Variants in HPS3 observed in about 807,000 individuals in gnomAD.
HPS3 encodes the protein HPS3 biogenesis of lysosomal organelles complex 2 subunit 1.
In HPS3, 79 loss-of-function variants were observed where a neutral mutation model predicts 110.9. That is an observed-to-expected ratio of 0.71 (90% CI 0.59 to 0.86). HPS3 has a LOEUF of 0.86. Ranked by LOEUF, HPS3 falls within the 40% of genes least tolerant of loss-of-function variation. The pLI is 0.00. For missense variants in HPS3, 1,197 were observed against 1,206.2 expected, an observed-to-expected ratio of 0.99 and a Z score of 0.11; for synonymous variants, 428 against 451.0, an observed-to-expected ratio of 0.95 and a Z score of 0.65.
At chr3:149,142,078 G>A (rs879476489) in intron 4 of HPS3, among the ~76,000 whole-genome samples, 1 of 150,948 alleles carries the variant, frequency 6.6e-6, no homozygotes, top group Non-Finnish European at 1.5e-5. Context: ...TCGAACTCCC[G>A]ACCTCATTGA....
intron 1 of HPS3, among the ~76,000 whole-genome samples, chr3:149,136,205 CAT>C (rs35285836): frequency 0.57 from 86,175 of 150,232 alleles, 25,106 homozygotes; most frequent in African/African-American, 0.67. Context: ...TATGTATATA[CAT>C]ATATATATAC....
Position 149,158,684 on chromosome 3 carries a change from T to G in HPS3, c.1710T>G (p.Ser570=). ...CCTTTAGGCTTGACTCCCAGCATTC[T>G]CATCTCACCTTGCCATACTATAAGA... The part of the protein sequence containing the change: ...DCYSRLDSQH[S]HLTLPYYKMS... Residue 570 remains serine, a synonymous_variant, in exon 10 of 17, where the codon TCT becomes TCG. Coordinates refer to ENST00000296051, the MANE Select transcript of HPS3 (RefSeq NM_032383.5). 6.2e-7 allele frequency: 1 copy of G among 1,613,754 alleles called. No individual in the cohort carries two copies. Among genetic ancestry groups the G allele is most frequent in the Non-Finnish European group, 8.5e-7 (1 of 1,179,738 alleles).
intron 5 of HPS3, among the ~76,000 whole-genome samples, chr3:149,146,732 A>C (rs1722797266): frequency 6.6e-6 from 1 of 152,192 alleles, no homozygotes; most frequent in East Asian, 1.9e-4. Context: ...TGTGTTTCTT[A>C]AGTGAACAAT....
At chr3:149,146,387 A>G (rs1287240384) in intron 5 of HPS3, among the ~76,000 whole-genome samples, 2 of 152,202 alleles carry the variant, frequency 1.3e-5, no homozygotes, top group East Asian at 3.8e-4. Context: ...ACTTCTGGCT[A>G]AGTTGTATGG....
chr3:149,138,285 T>C (rs1050527743), intron 1 of HPS3, among the ~76,000 whole-genome samples: 3 of 152,190 alleles, frequency 2.0e-5, no homozygotes, highest in African/African-American at 7.2e-5. Flanking sequence ...ACCTGTTTGC[T>C]TGCCTCATAA....
At chr3:149,146,322 G>A (rs542669272) in intron 5 of HPS3, among the ~76,000 whole-genome samples, 27 of 152,242 alleles carry the variant, frequency 1.8e-4, no homozygotes, top group Admixed American at 1.0e-3. Flanking sequence ...GGAGATTTGC[G>A]AAAAATGTCT....
At chr3:149,152,384 A>G (rs551243236) in intron 6 of HPS3, among the ~76,000 whole-genome samples, 1 of 152,316 alleles carries the variant, frequency 6.6e-6, no homozygotes, top group South Asian at 2.1e-4. Context: ...TCAGAGTCTT[A>G]TAAAAGGCAG....
chr3:149,145,916 A>G (rs1194048372), intron 5 of HPS3, among the ~76,000 whole-genome samples: 1 of 152,160 alleles, frequency 6.6e-6, no homozygotes, highest in African/African-American at 2.4e-5. Context: ...ATATTTTTCT[A>G]GTATAAATTG....
intron 7 of HPS3, among the ~76,000 whole-genome samples, chr3:149,154,325 A>C (rs1723308063): frequency 1.3e-5 from 2 of 152,218 alleles, no homozygotes. Context: ...TGTATTTCAT[A>C]TCAAACATGG....
intron 8 of HPS3, among the ~76,000 whole-genome samples, chr3:149,156,228 C>G (rs1723450829): frequency 6.6e-6 from 1 of 152,100 alleles, no homozygotes; most frequent in African/African-American, 2.4e-5. Flanking sequence ...AGTCTTTTGC[C>G]CCTAAGTACT....
intron 5 of HPS3, among the ~76,000 whole-genome samples, chr3:149,149,129 T>G (rs1247300734): frequency 6.6e-6 from 1 of 150,930 alleles, no homozygotes; most frequent in East Asian, 1.9e-4. Flanking sequence ...AATTTTTTTT[T>G]TTTTTTTGTA....
chr3:149,138,323 C>T (rs1255968543), intron 1 of HPS3, among the ~76,000 whole-genome samples: 1 of 152,132 alleles, frequency 6.6e-6, no homozygotes, highest in Admixed American at 6.5e-5. Flanking sequence ...GTAATGGCAG[C>T]ATTTCAATTT....
chr3:149,145,529 T>A lies in HPS3; in HGVS notation c.1146T>A (p.Phe382Leu), dbSNP rs1722739506. Residue 382 changes from phenylalanine to leucine, a missense_variant, in exon 5 of 17, where the codon TTT (phenylalanine) becomes TTA (leucine). Physicochemically the swap from Phe to Leu is conservative, Grantham distance 22 (BLOSUM62 0). Coordinates refer to ENST00000296051, the MANE Select transcript of HPS3 (RefSeq NM_032383.5). ...KSQQAVLTPQ[F>L]LHVITSNNLQ... is the part of the protein sequence containing the mutation. ...AGCAGGCAGTACTCACGCCACAATT[T>A]TTGCACGTCATTACAAGGTACTGTT... 6.2e-7 allele frequency: 1 copy of A among 1,614,048 alleles called. No homozygotes were observed. The highest frequency in any genetic ancestry group is 2.2e-5 in the East Asian group (1 of 44,878).
At chr3:149,135,369 G>A (rs927521873) in intron 1 of HPS3, among the ~76,000 whole-genome samples, 16 of 152,038 alleles carry the variant, frequency 1.1e-4, no homozygotes, top group African/African-American at 2.4e-4. Context: ...TGTCAAGGGC[G>A]GGACCAGGTG....
chr3:149,149,915 G>T (rs1385887540), intron 5 of HPS3, among the ~76,000 whole-genome samples: 2 of 152,140 alleles, frequency 1.3e-5, no homozygotes, highest in Non-Finnish European at 2.9e-5. Flanking sequence ...TGCAGAAGCA[G>T]CCTGGAGTTG....
Position 149,168,265 on chromosome 3 carries a change from A to G in HPS3, c.2887+282A>G, listed in dbSNP as rs188100826. The G allele has an allele frequency of 2.2e-4, 82 of 372,348 alleles. No homozygotes were observed. The East Asian group carries it at 4.6e-3, about 21-fold the overall frequency. 23.1% of individuals were successfully genotyped at this position (372,348 alleles called of 1,614,324 possible). A position where few individuals can be genotyped will look rare whatever the true frequency, so the allele number is the denominator to read the frequency against. On this transcript the variant is annotated intron_variant, in intron 16 of 16. Transcript: ENST00000296051. The stretch of plus-strand genomic sequence containing the variant: ...AGCATCAGTGTTTTAAAATGTGAGT[A>G]GTCATTAAGGCAATTACATCTTTTA...
At chr3:149,131,671 A>G (rs891686427) in intron 1 of HPS3, among the ~76,000 whole-genome samples, 3 of 152,162 alleles carry the variant, frequency 2.0e-5, no homozygotes, top group East Asian at 1.9e-4. Flanking sequence ...TAACCCTACA[A>G]TGTCTTCTAA....
chr3:149,155,760 T>G (rs867956636), intron 8 of HPS3, among the ~76,000 whole-genome samples: 1 of 152,178 alleles, frequency 6.6e-6, no homozygotes, highest in Non-Finnish European at 1.5e-5. Context: ...ACAGAAAAGT[T>G]GCAAGAATAA....
At chr3:149,141,496 T>A in intron 4 of HPS3, 116 bp downstream of exon 4, 1 of 804,034 alleles carries the variant, frequency 1.2e-6, no homozygotes, top group Admixed American at 2.1e-5. Context: ...TCCACTGGAG[T>A]CTCCTTGTGG....
Sources: allele counts gnomAD v4.1 joint callset (sites outside exome capture counted in the v4.1 genomes callset), GRCh38; gene constraint gnomAD v4.1.1; transcripts MANE v1.5; gene names NCBI Gene and HGNC (gene_info 2026-07-23, HGNC 2026-07-21).